Variants in HRH2 observed in about 807,000 individuals in gnomAD.
HRH2 encodes the protein histamine receptor H2.
Under a neutral mutation model 20.1 loss-of-function variants are expected in HRH2, and 4 were observed. That is an observed-to-expected ratio of 0.20 (90% confidence interval 0.10 to 0.45). HRH2 has a LOEUF of 0.45. Ranked by LOEUF, HRH2 falls within the 20% of genes least tolerant of loss-of-function variation. The pLI, the probability that HRH2 is intolerant of heterozygous loss-of-function variation, is 0.99. For missense variants in HRH2, 250 were observed against 461.6 expected, an observed-to-expected ratio of 0.54 and a Z score of 4.20; for synonymous variants, 197 against 200.7, an observed-to-expected ratio of 0.98 and a Z score of 0.16.
intron 1 of HRH2, among the ~76,000 whole-genome samples, chr5:175,667,274 T>C (rs1353576700): frequency 6.6e-6 from 1 of 151,960 alleles, no homozygotes; most frequent in African/African-American, 2.4e-5. Flanking sequence ...TGAAAACTCA[T>C]CTCTACTAAA....
chr5:175,692,938 C>T (rs1756436858), intron 2 of HRH2, among the ~76,000 whole-genome samples: 1 of 152,174 alleles, frequency 6.6e-6, no homozygotes, highest in Admixed American at 6.5e-5. Flanking sequence ...CGTGTCACGA[C>T]TTGAGTTGCC....
At chr5:175,680,012 T>C (rs1755907244) in intron 1 of HRH2, among the ~76,000 whole-genome samples, 2 of 152,342 alleles carry the variant, frequency 1.3e-5, no homozygotes, top group Admixed American at 6.5e-5. Context: ...TCCTCACTCG[T>C]GGGGTCGTGA....
At chr5:175,667,446 C>G (rs951444759) in intron 1 of HRH2, among the ~76,000 whole-genome samples, 1 of 117,394 alleles carries the variant, frequency 8.5e-6, no homozygotes, top group African/African-American at 3.2e-5. Context: ...CTCCGTCCCT[C>G]CCCCCACCCC....
intron 2 of HRH2, among the ~76,000 whole-genome samples, chr5:175,695,037 G>A (rs1756524241): frequency 1.3e-5 from 2 of 152,166 alleles, no homozygotes; most frequent in Non-Finnish European, 2.9e-5. Flanking sequence ...TGCTGCCTGA[G>A]TGGCGGGGCC....
At chr5:175,689,590 A>G (rs1756291682) in intron 2 of HRH2, among the ~76,000 whole-genome samples, 1 of 152,238 alleles carries the variant, frequency 6.6e-6, no homozygotes, top group Non-Finnish European at 1.5e-5. Context: ...GAAGTTCCAG[A>G]AACCTCGTAA....
At chr5:175,664,655 A>G (rs1762834585) in intron 1 of HRH2, among the ~76,000 whole-genome samples, 1 of 151,874 alleles carries the variant, frequency 6.6e-6, no homozygotes, top group Non-Finnish European at 1.5e-5. Flanking sequence ...GAGCCACGGC[A>G]GGATTTTTTT....
intron 2 of HRH2, among the ~76,000 whole-genome samples, chr5:175,689,389 T>C (rs1198383468): frequency 6.6e-6 from 1 of 151,652 alleles, no homozygotes; most frequent in African/African-American, 2.4e-5. Context: ...ATAAGCTCCA[T>C]AGGACAGGTC....
intron 2 of HRH2, among the ~76,000 whole-genome samples, chr5:175,698,349 C>T (rs1025532071): frequency 2.6e-5 from 4 of 152,198 alleles, no homozygotes; most frequent in South Asian, 4.1e-4. Context: ...GGGAGAGAAT[C>T]ATGCTTTGAA....
At position 175,708,883 on chromosome 5, in the gene HRH2, A is replaced by G. The variant is rs749161067; in HGVS notation, c.*912A>G. Reference sequence around the variant, plus strand: ...CTGGAGAGAGTGTCTGCAGCCAGGCATCATGGAGGGAGGGATGGATCTTGA... The same window carrying G: ...CTGGAGAGAGTGTCTGCAGCCAGGCGTCATGGAGGGAGGGATGGATCTTGA... On this transcript the variant is annotated 3_prime_UTR_variant, in exon 3 of 3. Coordinates refer to ENST00000636584, the MANE Select transcript of HRH2 (RefSeq NM_001367711.1). The G allele has an allele frequency of 3.3e-5, 5 of 152,118 alleles. No individual in the cohort carries two copies. The highest frequency in any genetic ancestry group is 7.3e-5 in the Non-Finnish European group (5 of 68,100). 9.4% of individuals were successfully genotyped at this position (152,118 alleles called of 1,614,324 possible). A position where few individuals can be genotyped will look rare whatever the true frequency, so the allele number is the denominator to read the frequency against.
Position 175,683,712 on chromosome 5 carries a change from G to A in HRH2, c.479G>A (p.Ser160Asn), listed in dbSNP as rs1756070160. Residue 160 changes from serine (S) to asparagine (N), a missense_variant, in exon 2 of 3, where the codon AGC (serine) becomes AAC (asparagine). Ser to Asn is a conservative substitution (Grantham distance 46). Transcript: ENST00000636584. ...CTGTCTATCCACCTGGGGTGGAACA[G>A]CAGGAACGAGACCAGCAAGGGCAAT... is the stretch of plus-strand genomic sequence containing the variant. Reference protein sequence around the residue: ...SFLSIHLGWNSRNETSKGNHT... With the variant: ...SFLSIHLGWNNRNETSKGNHT... The A allele has an allele frequency of 1.2e-6, 2 of 1,614,188 alleles. No homozygotes were observed. Among genetic ancestry groups the A allele is most frequent in the Non-Finnish European group, 1.7e-6 (2 of 1,180,042 alleles).
At chr5:175,659,975 T>C (rs971854474) in intron 1 of HRH2, among the ~76,000 whole-genome samples, 9 of 152,194 alleles carry the variant, frequency 5.9e-5, no homozygotes, top group African/African-American at 1.9e-4. Context: ...CATCACCTTG[T>C]CCCGGTTAAC....
chr5:175,701,989 G>T (rs2113560173), intron 2 of HRH2, among the ~76,000 whole-genome samples: 1 of 152,300 alleles, frequency 6.6e-6, no homozygotes, highest in Non-Finnish European at 1.5e-5. Flanking sequence ...TGGTAGGTTG[G>T]TGCAAAAGTA....
chr5:175,674,223 G>C (rs563575726), intron 1 of HRH2, among the ~76,000 whole-genome samples: 14 of 152,272 alleles, frequency 9.2e-5, no homozygotes, highest in East Asian at 7.7e-4. Flanking sequence ...CTGCGGCAGG[G>C]GGGGTCTGGG....
In HRH2 at chr5:175,701,488, C is replaced by G. The variant is rs10037326; in HGVS notation, c.1077-6291C>G. Among the ~76,000 whole-genome samples the G allele has an allele frequency of 7.4e-3, 1,133 of 152,218 alleles. 15 individuals are homozygous for G. Among genetic ancestry groups the G allele is most frequent in the African/African-American group, 0.026 (1,082 of 41,524 alleles). ...CAACTCGGCTTCCCGCTCGGATTGC[C>G]GCTGTAATCCTCAGCCGGAGTCTTC... On this transcript the variant is annotated intron_variant, in intron 2 of 2. Transcript: ENST00000636584.
chr5:175,669,432 C>T (rs939145418), intron 1 of HRH2, among the ~76,000 whole-genome samples: 13 of 150,270 alleles, frequency 8.7e-5, no homozygotes, highest in East Asian at 7.8e-4. Context: ...GGTGCAATCT[C>T]GGCTCACTGC....
intron 1 of HRH2, among the ~76,000 whole-genome samples, chr5:175,668,356 C>T (rs1189457841): frequency 7.2e-5 from 11 of 152,318 alleles, no homozygotes; most frequent in Middle Eastern, 3.4e-3. Flanking sequence ...GATTTCCTTC[C>T]TCCAGTTGAG....
chr5:175,681,980 T>C lies in HRH2; in HGVS notation c.-525-729T>C, dbSNP rs1321822249. Among the ~76,000 whole-genome samples, 1 of 152,230 alleles carries C rather than the reference T, an allele frequency of 6.6e-6. No homozygotes were observed. The highest frequency in any genetic ancestry group is 6.5e-5 in the Admixed American group (1 of 15,284). ...TACAGCCCGTGGCTAAGAATGGTTT[T>C]TACATTTTTAAATTTTGGAAAAAAA... On this transcript the variant is annotated intron_variant, in intron 1 of 2. Coordinates refer to ENST00000636584, the MANE Select transcript of HRH2 (RefSeq NM_001367711.1). The surrounding 1 kb of genome is among the most constrained non-coding windows in gnomAD (Gnocchi z 4.3).
chr5:175,665,352 G>A (rs73339503), intron 1 of HRH2, among the ~76,000 whole-genome samples: 4,301 of 152,160 alleles, frequency 0.028, 204 homozygotes, highest in African/African-American at 0.098. Context: ...AGGGAGGTCC[G>A]GACCCAGGAT....
chr5:175,702,563 T>G (rs1581468098), intron 2 of HRH2, among the ~76,000 whole-genome samples: 1 of 142,070 alleles, frequency 7.0e-6, no homozygotes, highest in East Asian at 2.0e-4. Context: ...TTTTTTTTTT[T>G]TTTTTTGAGA....
Sources: allele counts gnomAD v4.1 joint callset (sites outside exome capture counted in the v4.1 genomes callset), GRCh38; gene constraint gnomAD v4.1.1; non-coding constraint Gnocchi (gnomAD v3.1); transcripts MANE v1.5; gene names NCBI Gene and HGNC (gene_info 2026-07-23, HGNC 2026-07-21).